The following PCDHGB1 variants were observed in gnomAD, a reference collection of about 807,000 sequenced individuals.
The protein encoded by PCDHGB1 is protocadherin gamma-B1.
A neutral mutation model predicts 56.6 loss-of-function variants in PCDHGB1; 34 were observed. The observed-to-expected ratio is 0.60, with a 90% CI of 0.46 to 0.80. The LOEUF (loss-of-function observed/expected upper bound fraction) is 0.80, where lower values mean the gene tolerates loss of function less well. Among genes scored for constraint, PCDHGB1 ranks in the 30% least tolerant of loss-of-function variants. PCDHGB1 has a pLI of 0.00. For missense variants in PCDHGB1, 1,278 were observed against 1,204.6 expected, an observed-to-expected ratio of 1.06 and a Z score of -0.90; for synonymous variants, 561 against 505.9, an observed-to-expected ratio of 1.11 and a Z score of -1.46.
intron 1 of PCDHGB1, chr5:141,418,245 A>G: frequency 5.6e-6 from 9 of 1,614,046 alleles, no homozygotes; most frequent in Non-Finnish European, 7.6e-6. Flanking sequence ...GTTAATGACC[A>G]CGCCCCTCAA....
intron 1 of PCDHGB1, chr5:141,475,984 G>T: frequency 1.9e-6 from 2 of 1,069,308 alleles, no homozygotes; most frequent in South Asian, 3.1e-5. Context: ...AACAGCCGGC[G>T]AGCAAATCAA....
At chr5:141,423,099 G>C (rs1344463949) in intron 1 of PCDHGB1, 1 of 1,613,826 alleles carries the variant, frequency 6.2e-7, no homozygotes, top group Non-Finnish European at 8.5e-7. Flanking sequence ...GGGAGCACAC[G>C]GGCGAGGTGC....
intron 1 of PCDHGB1, chr5:141,412,841 G>A (rs1285924844): frequency 4.9e-6 from 1 of 206,050 alleles, no homozygotes; most frequent in Non-Finnish European, 9.6e-6. Flanking sequence ...AAAGATAGGA[G>A]TGGAGAAACC....
rs1297266733 is a variant in PCDHGB1 at position 141,366,482 on chromosome 5, C to T, written c.2409+13813C>T. 5 of 1,614,124 alleles carry T rather than the reference C, an allele frequency of 3.1e-6. No homozygotes were observed. In the African/African-American group the frequency reaches 6.7e-5, roughly 22 times the overall value. On this transcript the variant is annotated intron_variant, in intron 1 of 3. Coordinates refer to ENST00000523390, the MANE Select transcript of PCDHGB1 (RefSeq NM_018922.3). ...CGTGCTGCTGGTGCTCAGACTGAGG[C>T]GCTGGCACAAGTCACGCCTGCTTCA...
chr5:141,405,744 C>T (rs2094711384), intron 1 of PCDHGB1, among the ~76,000 whole-genome samples: 1 of 152,192 alleles, frequency 6.6e-6, no homozygotes, highest in African/African-American at 2.4e-5. Flanking sequence ...TCCCAAAGCA[C>T]TGGGATTACA....
At chr5:141,479,048 C>A (rs1253895615) in intron 1 of PCDHGB1, among the ~76,000 whole-genome samples, 1 of 152,150 alleles carries the variant, frequency 6.6e-6, no homozygotes, top group Admixed American at 6.5e-5. Flanking sequence ...GTACCTCATT[C>A]TCAGATAATT....
intron 1 of PCDHGB1, among the ~76,000 whole-genome samples, chr5:141,453,974 T>C (rs1386640440): frequency 6.6e-6 from 1 of 152,242 alleles, no homozygotes; most frequent in Non-Finnish European, 1.5e-5. Flanking sequence ...CATGTAGTTG[T>C]GTTGCCTTCC....
chr5:141,409,018 G>A (rs369210340), intron 1 of PCDHGB1: 31 of 1,613,814 alleles, frequency 1.9e-5, no homozygotes, highest in Non-Finnish European at 2.5e-5. Context: ...AGGATGAGGG[G>A]GTCAATGCTG....
At chr5:141,430,484 C>T (rs894612928) in intron 1 of PCDHGB1, 2 of 256,238 alleles carry the variant, frequency 7.8e-6, no homozygotes, top group African/African-American at 4.4e-5. Context: ...GATATAAAAA[C>T]GAAATATCCT....
At chr5:141,372,434 T>A (rs767132959) in intron 1 of PCDHGB1, 27 of 1,613,890 alleles carry the variant, frequency 1.7e-5, no homozygotes, top group Non-Finnish European at 2.0e-5. Flanking sequence ...ACCGCCCCAC[T>A]CCCTCTGACC....
chr5:141,362,349 G>T (rs765171901), intron 1 of PCDHGB1: 1 of 1,613,918 alleles, frequency 6.2e-7, no homozygotes, highest in Non-Finnish European at 8.5e-7. Context: ...CTGGACCTGG[G>T]GTTCTCCCCA....
chr5:141,422,685 C>G lies in PCDHGB1; in HGVS notation c.2409+70016C>G, dbSNP rs754112462. The G allele has an allele frequency of 2.5e-6, 4 of 1,605,144 alleles. No individual in the cohort carries two copies. The South Asian group carries it at 4.5e-5, about 18-fold the overall frequency. On this transcript the variant is annotated intron_variant, in intron 1 of 3. Coordinates refer to ENST00000523390, the MANE Select transcript of PCDHGB1 (RefSeq NM_018922.3). ...TCGACCCGGACAGCAAACAGAATGCCCTGGTCACTTACTCTCTGACGGATG... is the reference window on the plus strand; with the variant it reads ...TCGACCCGGACAGCAAACAGAATGCGCTGGTCACTTACTCTCTGACGGATG...
intron 1 of PCDHGB1, chr5:141,361,696 G>T: frequency 6.2e-7 from 1 of 1,613,466 alleles, no homozygotes. Flanking sequence ...GCGCGCCTTC[G>T]ATCATGAGCA....
intron 1 of PCDHGB1, chr5:141,376,748 G>A (rs1210343016): frequency 4.3e-6 from 2 of 467,530 alleles, no homozygotes; most frequent in Non-Finnish European, 7.4e-6. Flanking sequence ...CTGCAGTGGC[G>A]CAATCTCGGC....
At chr5:141,423,797 C>A in intron 1 of PCDHGB1, 2 of 1,249,164 alleles carry the variant, frequency 1.6e-6, no homozygotes, top group African/African-American at 1.6e-5. Flanking sequence ...ATATTTAGAG[C>A]AATACATGTG....
Position 141,477,657 on chromosome 5 carries a change from G to C in PCDHGB1, c.2410-17150G>C. 4 of 1,614,190 alleles carry C rather than the reference G, an allele frequency of 2.5e-6. No individual in the cohort carries two copies. Among genetic ancestry groups the C allele is most frequent in the Non-Finnish European group, 3.4e-6 (4 of 1,180,038 alleles). The stretch of plus-strand genomic sequence containing the variant: ...GTGGGTCGCTATTTCACAATAAATC[G>C]TGACAATGGCATAGTGTCATCCTTA... On this transcript the variant is annotated intron_variant, in intron 1 of 3. Coordinates refer to ENST00000523390, the MANE Select transcript of PCDHGB1 (RefSeq NM_018922.3). The surrounding 1 kb of genome is among the most constrained non-coding windows in gnomAD (Gnocchi z 4.9).
At chr5:141,458,172 T>A (rs1023447659) in intron 1 of PCDHGB1, among the ~76,000 whole-genome samples, 2 of 152,216 alleles carry the variant, frequency 1.3e-5, no homozygotes, top group African/African-American at 4.8e-5. Flanking sequence ...CACAGTAGTA[T>A]ACCTTACTTG....
rs568472427 is a variant in PCDHGB1, at chr5:141,460,924, A to G, written c.2410-33883A>G. 3.3e-4 allele frequency among the ~76,000 whole-genome samples: 50 copies of G among 150,592 alleles called. No homozygotes were observed. The East Asian group carries it at 6.6e-3, about 20-fold the overall frequency. Reference sequence around the variant, plus strand: ...AATATTCCATGGTGTATATATATATATGTGTGTGTGTATATATATGTATTA... The same window carrying G: ...AATATTCCATGGTGTATATATATATGTGTGTGTGTGTATATATATGTATTA... On this transcript the variant is annotated intron_variant, in intron 1 of 3. Coordinates refer to ENST00000523390, the MANE Select transcript of PCDHGB1 (RefSeq NM_018922.3).
At chr5:141,426,453 G>A (rs902416171) in intron 1 of PCDHGB1, 4 of 310,612 alleles carry the variant, frequency 1.3e-5, no homozygotes, top group African/African-American at 8.6e-5. Flanking sequence ...ACATGCGGCT[G>A]CATGTTCAGG....
Sources: gnomAD v4.1 joint callset for allele counts (sites outside exome capture counted in the v4.1 genomes callset) on GRCh38, gnomAD v4.1.1 for gene constraint, Gnocchi (gnomAD v3.1) non-coding constraint, MANE v1.5 for transcripts, NCBI Gene and HGNC (gene_info 2026-07-23, HGNC 2026-07-21) for gene names.